Variants in WDR48 observed in about 807,000 individuals in gnomAD.
WDR48 encodes the protein WD repeat-containing protein 48.
Under a neutral mutation model 94.0 loss-of-function variants are expected in WDR48, and 22 were observed. The ratio of observed to expected loss-of-function variants is 0.23; its 90% confidence interval spans 0.17 to 0.33. The LOEUF (loss-of-function observed/expected upper bound fraction) is 0.33, where lower values mean the gene tolerates loss of function less well. Ranked by LOEUF, WDR48 falls within the 10% of genes least tolerant of loss-of-function variation. WDR48 has a pLI of 1.00. For synonymous variants in WDR48, 278 were observed against 280.5 expected (o/e 0.99, Z 0.09); for missense variants, 541 against 813.8 (o/e 0.66, Z 4.08).
chr3:39,094,173 G>C, intron 18 of WDR48, 107 bp downstream of exon 18: 7 of 1,486,272 alleles, frequency 4.7e-6, no homozygotes, highest in Non-Finnish European at 6.2e-6. Context: ...GCTCTAAGGA[G>C]CCCTGGGCCT....
intron 15 of WDR48, among the ~76,000 whole-genome samples, 171 bp from the exon 16 acceptor site, chr3:39,089,060 C>T (rs543931968): frequency 5.9e-5 from 9 of 152,166 alleles, no homozygotes; most frequent in African/African-American, 1.7e-4. Context: ...GGCCTGCTTT[C>T]CCTTTTAGCT....
intron 1 of WDR48, among the ~76,000 whole-genome samples, chr3:39,055,988 G>A (rs539026792): frequency 4.6e-5 from 7 of 152,286 alleles, no homozygotes; most frequent in African/African-American, 9.6e-5. Context: ...GTTAATATTC[G>A]TTGAAAGAAT....
chr3:39,062,958 G>C (rs949111956), intron 1 of WDR48, 92 bp from the exon 2 acceptor site: 1 of 1,476,044 alleles, frequency 6.8e-7, no homozygotes. Flanking sequence ...GAAAACATGG[G>C]ATTTTCTGTT....
At chr3:39,091,053 A>G (rs1230240117) in intron 16 of WDR48, 2 of 152,290 alleles carry the variant, frequency 1.3e-5, no homozygotes, top group East Asian at 3.8e-4. Flanking sequence ...ATGACCACGT[A>G]ATTTTATCCT....
chr3:39,094,180 G>C, intron 18 of WDR48, 114 bp downstream of exon 18: 1 of 1,478,670 alleles, frequency 6.8e-7, no homozygotes. Flanking sequence ...GGAGCCCTGG[G>C]CCTCTCCTAC....
At chr3:39,068,723 A>G in intron 5 of WDR48, 48 bp from the exon 6 acceptor site, 16 of 1,451,288 alleles carry the variant, frequency 1.1e-5, no homozygotes, top group Non-Finnish European at 1.5e-5. Flanking sequence ...ACTAGTTACT[A>G]AACAGCTGAT....
chr3:39,064,379 A>G (rs1169871701), intron 2 of WDR48, among the ~76,000 whole-genome samples: 3 of 151,412 alleles, frequency 2.0e-5, no homozygotes, highest in African/African-American at 2.4e-5. Context: ...GCTTCAATCA[A>G]TTTTCCTGCC....
rs776030139 is a variant in WDR48, at chr3:39,068,866, A to G, written c.570+7A>G. On this transcript the variant is annotated splice_region_variant and intron_variant, in intron 6 of 18. Coordinates refer to ENST00000302313, the MANE Select transcript of WDR48 (RefSeq NM_020839.4). Reference sequence around the variant, plus strand: ...ATCAGGGTCCACTGAAAAGGTAAGGAGGAGCTTATTTCTTTATTTAAAAAA... The same window carrying G: ...ATCAGGGTCCACTGAAAAGGTAAGGGGGAGCTTATTTCTTTATTTAAAAAA... 1 of 1,569,268 alleles carries G rather than the reference A, an allele frequency of 6.4e-7. No individual in the cohort carries two copies. Among genetic ancestry groups the G allele is most frequent in the Admixed American group, 1.8e-5 (1 of 56,604 alleles).
intron 10 of WDR48, among the ~76,000 whole-genome samples, chr3:39,079,181 A>C (rs2034395602): frequency 6.6e-6 from 1 of 152,218 alleles, no homozygotes; most frequent in South Asian, 2.1e-4. Context: ...TGAGGCAGAA[A>C]AGGACAGATA....
intron 8 of WDR48, 27 bp from the exon 9 acceptor site, chr3:39,077,112 A>AG: frequency 6.2e-7 from 1 of 1,613,874 alleles, no homozygotes; most frequent in Non-Finnish European, 8.5e-7. Flanking sequence ...CATTCCACAA[A>AG]GCAATATTTT....
intron 11 of WDR48, 45 bp downstream of exon 11, chr3:39,079,853 C>T (rs753681061): frequency 4.3e-6 from 5 of 1,155,046 alleles, no homozygotes; most frequent in East Asian, 2.7e-5. Flanking sequence ...AGATTGTATA[C>T]CCCCTTTATT....
Position 39,088,118 on chromosome 3 carries a change from C to G in WDR48, c.1475-10C>G. ...ACTCTGATATTAACACCACCTGCAT[C>G]TTTTCCTAGTAAATGGGGAGCAGGA... is the stretch of plus-strand genomic sequence containing the variant. On this transcript the variant is annotated splice_polypyrimidine_tract_variant and intron_variant, in intron 14 of 18. Coordinates refer to ENST00000302313, the MANE Select transcript of WDR48 (RefSeq NM_020839.4). 2 of 1,613,880 alleles carry G rather than the reference C, an allele frequency of 1.2e-6. No homozygotes were observed. The highest frequency in any genetic ancestry group is 1.7e-6 in the Non-Finnish European group (2 of 1,179,820).
chr3:39,065,957 T>A (rs2033579568), intron 3 of WDR48, 68 bp downstream of exon 3: 2 of 1,198,570 alleles, frequency 1.7e-6, no homozygotes, highest in African/African-American at 3.2e-5. Flanking sequence ...AGCTTTTTTA[T>A]TGAAACATAC....
chr3:39,094,915 A>G lies in WDR48; in HGVS notation c.*172A>G, dbSNP rs1469734977. 1 of 846,844 alleles carries G rather than the reference A, an allele frequency of 1.2e-6. No individual in the cohort carries two copies. Among genetic ancestry groups the G allele is most frequent in the Non-Finnish European group, 1.8e-6 (1 of 557,496 alleles). 52.5% of individuals were successfully genotyped at this position (846,844 alleles called of 1,614,324 possible). ...CTAATCGAGATGTAATATAGAAACC[A>G]GTCTCCATGTGTAGATTAAGCTGTC... On this transcript the variant is annotated 3_prime_UTR_variant, in exon 19 of 19. Coordinates refer to ENST00000302313, the MANE Select transcript of WDR48 (RefSeq NM_020839.4).
Position 39,084,704 on chromosome 3 carries a change from T to C in WDR48, c.1341T>C (p.Asp447=). The C allele has an allele frequency of 6.2e-7, 1 of 1,613,950 alleles. No homozygotes were observed. Among genetic ancestry groups the C allele is most frequent in the Non-Finnish European group, 8.5e-7 (1 of 1,179,914 alleles). Residue 447 remains aspartate, a synonymous_variant, in exon 13 of 19, where the codon GAT becomes GAC. Transcript: ENST00000302313. Reference sequence around the variant, plus strand: ...TTGCTGCCTGGGTTTCTGCAAAAGATGCTGGTTTCAGCAGCCCTGATGGGT... The same window carrying C: ...TTGCTGCCTGGGTTTCTGCAAAAGACGCTGGTTTCAGCAGCCCTGATGGGT... ...DCFAAWVSAK[D]AGFSSPDGSD... is the part of the protein sequence containing the mutation.
At chr3:39,052,206 C>G in intron 1 of WDR48, 133 bp downstream of exon 1, 1 of 1,101,036 alleles carries the variant, frequency 9.1e-7, no homozygotes, top group South Asian at 1.5e-5. Flanking sequence ...CGGCCGGCCA[C>G]GAGGGGTGGG....
intron 3 of WDR48, 78 bp from the exon 4 acceptor site, chr3:39,066,470 G>A (rs1218363931): frequency 1.7e-6 from 2 of 1,199,836 alleles, no homozygotes; most frequent in Non-Finnish European, 2.4e-6. Context: ...TTGAAATAAT[G>A]TTACATTGTT....
chr3:39,056,776 TA>T (rs2032919157), intron 1 of WDR48, among the ~76,000 whole-genome samples: 1 of 152,234 alleles, frequency 6.6e-6, no homozygotes, highest in Non-Finnish European at 1.5e-5. Context: ...ATTACTTTCT[TA>T]AGGTATTGGG....
chr3:39,083,619 G>T (rs2034644717), intron 11 of WDR48, among the ~76,000 whole-genome samples: 1 of 152,172 alleles, frequency 6.6e-6, no homozygotes, highest in Non-Finnish European at 1.5e-5. Flanking sequence ...AGGTAGAAGA[G>T]AGATTTAGTT....
Sources: gnomAD v4.1 joint callset for allele counts (sites outside exome capture counted in the v4.1 genomes callset) on GRCh38, gnomAD v4.1.1 for gene constraint, MANE v1.5 for transcripts, NCBI Gene and HGNC (gene_info 2026-07-23, HGNC 2026-07-21) for gene names.